Variants in KANK4 observed in about 807,000 individuals in gnomAD.
KANK4 encodes KN motif and ankyrin repeat domain-containing protein 4.
A neutral mutation model predicts 80.8 loss-of-function variants in KANK4; 50 were observed. That is an observed-to-expected ratio of 0.62 (90% confidence interval 0.49 to 0.78). KANK4 has a LOEUF of 0.78. KANK4 is among the 30% of genes least tolerant of loss of function. The pLI is 0.00. For missense variants in KANK4, 1,196 were observed against 1,240.1 expected, an observed-to-expected ratio of 0.96 and a Z score of 0.53; for synonymous variants, 465 against 506.9, an observed-to-expected ratio of 0.92 and a Z score of 1.11.
chr1:62,288,132 A>G (rs1294024773), intron 1 of KANK4, among the ~76,000 whole-genome samples: 1 of 152,184 alleles, frequency 6.6e-6, no homozygotes, highest in Non-Finnish European at 1.5e-5. Context: ...ACCAGCAGCC[A>G]GCTTCATGCT....
At chr1:62,303,054 C>G (rs1226776331) in intron 1 of KANK4, among the ~76,000 whole-genome samples, 1 of 152,106 alleles carries the variant, frequency 6.6e-6, no homozygotes, top group Non-Finnish European at 1.5e-5. Context: ...TGATCTCCAT[C>G]TTCTCAGGTA....
chr1:62,288,303 A>C (rs2765257), intron 1 of KANK4, among the ~76,000 whole-genome samples: 14 of 152,320 alleles, frequency 9.2e-5, no homozygotes, highest in Middle Eastern at 3.4e-3. Context: ...ATGGAAAAAA[A>C]GGTGAACTGT....
chr1:62,292,010 C>T (rs1450811553), intron 1 of KANK4, among the ~76,000 whole-genome samples: 3 of 152,254 alleles, frequency 2.0e-5, no homozygotes, highest in African/African-American at 4.8e-5. Flanking sequence ...AAGAAATGCC[C>T]TACTCGTTAG....
chr1:62,283,081 C>A (rs1046448103), intron 1 of KANK4, among the ~76,000 whole-genome samples: 1 of 152,202 alleles, frequency 6.6e-6, no homozygotes, highest in African/African-American at 2.4e-5. Flanking sequence ...GCAGAGAACA[C>A]CGCTGCCTCT....
intron 7 of KANK4, among the ~76,000 whole-genome samples, chr1:62,262,312 C>CA (rs1364914183): frequency 4.6e-5 from 7 of 152,190 alleles, no homozygotes; most frequent in Non-Finnish European, 7.3e-5. Context: ...ACAATACCCA[C>CA]ATCACAGGAA....
rs759247190 is a variant in KANK4, at chr1:62,253,248, G to A, written c.2540-39C>T. 3.3e-5 allele frequency: 52 copies of A among 1,567,206 alleles called. No individual in the cohort carries two copies. In the East Asian group the frequency reaches 1.1e-3, roughly 34 times the overall value. On this transcript the variant is annotated intron_variant, in intron 7 of 9. Coordinates refer to ENST00000371153, the MANE Select transcript of KANK4 (RefSeq NM_181712.5). ...AATGGGTGCTGCAAAGGCTCCTGAGGGGCCAGGAGCCAGACTCCACTTTAG... is the reference window on the plus strand; with the variant it reads ...AATGGGTGCTGCAAAGGCTCCTGAGAGGCCAGGAGCCAGACTCCACTTTAG...
At chr1:62,289,334 T>C (rs1672633899) in intron 1 of KANK4, among the ~76,000 whole-genome samples, 1 of 152,194 alleles carries the variant, frequency 6.6e-6, no homozygotes, top group Admixed American at 6.5e-5. Context: ...GAATCCATGT[T>C]TTTCTGATGC....
At chr1:62,278,393 C>CTTTG (rs1231498265) in intron 2 of KANK4, among the ~76,000 whole-genome samples, 1 of 18,586 alleles carries the variant, frequency 5.4e-5, no homozygotes, top group African/African-American at 3.3e-4. Context: ...TTCTTTCTTT[C>CTTTG]TTTCTTTTTT....
rs764374922 is a variant in KANK4 at position 62,238,393 on chromosome 1, A to C, written c.2884-12T>G. 3 of 1,611,036 alleles carry C rather than the reference A, an allele frequency of 1.9e-6. No homozygotes were observed. The highest frequency in any genetic ancestry group is 2.5e-6 in the Non-Finnish European group (3 of 1,177,504). The stretch of plus-strand genomic sequence containing the variant: ...GCTGTGCGGCCAGCCTACAGGAGAA[A>C]AAGGAAAGAAGAAATAAATATCATC... On this transcript the variant is annotated splice_polypyrimidine_tract_variant and intron_variant, in intron 9 of 9. Coordinates refer to ENST00000371153, the MANE Select transcript of KANK4 (RefSeq NM_181712.5).
intron 5 of KANK4, among the ~76,000 whole-genome samples, chr1:62,267,077 C>G (rs551404363): frequency 6.6e-6 from 1 of 152,022 alleles, no homozygotes; most frequent in African/African-American, 2.4e-5. Context: ...GGGCCAATAA[C>G]CAAAGCATTT....
rs150348631 is a variant in KANK4 at position 62,275,511 on chromosome 1, T to C, written c.17-424A>G. ...ATATGGAAGGGTTTAAAGGATAAGA[T>C]ACACAAGTGGCTCAGCAGTAAAAAA... On this transcript the variant is annotated intron_variant, in intron 2 of 9. Coordinates refer to ENST00000371153, the MANE Select transcript of KANK4 (RefSeq NM_181712.5). 2.8e-4 allele frequency among the ~76,000 whole-genome samples: 42 copies of C among 152,294 alleles called. No homozygotes were observed. The East Asian group carries it at 7.3e-3, about 27-fold the overall frequency.
At chr1:62,314,910 C>T (rs1184636213) in intron 1 of KANK4, among the ~76,000 whole-genome samples, 1 of 152,184 alleles carries the variant, frequency 6.6e-6, no homozygotes, top group Non-Finnish European at 1.5e-5. Flanking sequence ...AACGCTCGGC[C>T]AGCTTCTTCA....
chr1:62,278,370 TTCCTTC>T (rs1327161555), intron 2 of KANK4, among the ~76,000 whole-genome samples: 2 of 24,656 alleles, frequency 8.1e-5, no homozygotes, highest in Admixed American at 3.8e-4. Flanking sequence ...CCTTCCTTCC[TTCCTTC>T]CTTTCTTTCT....
intron 6 of KANK4, among the ~76,000 whole-genome samples, chr1:62,264,599 G>C (rs1360158648): frequency 6.6e-6 from 1 of 152,098 alleles, no homozygotes; most frequent in Non-Finnish European, 1.5e-5. Context: ...TCTAAGATGG[G>C]GGCAAGGGAG....
At chr1:62,250,615 C>T (rs1671591410) in intron 8 of KANK4, among the ~76,000 whole-genome samples, 1 of 152,122 alleles carries the variant, frequency 6.6e-6, no homozygotes, top group African/African-American at 2.4e-5. Flanking sequence ...GGAATGAGTC[C>T]CTTGCCCTCC....
intron 1 of KANK4, among the ~76,000 whole-genome samples, chr1:62,283,832 T>C (rs1672503465): frequency 6.6e-6 from 1 of 152,186 alleles, no homozygotes; most frequent in Admixed American, 6.5e-5. Flanking sequence ...CAGCCCATCG[T>C]ATATCAGATC....
At chr1:62,267,316 G>A (rs1259303008) in intron 5 of KANK4, among the ~76,000 whole-genome samples, 1 of 151,738 alleles carries the variant, frequency 6.6e-6, no homozygotes, top group Non-Finnish European at 1.5e-5. Flanking sequence ...GTTGAAGCTG[G>A]GTGTCCACAG....
chr1:62,296,038 T>C (rs957160923), intron 1 of KANK4, among the ~76,000 whole-genome samples: 2 of 152,242 alleles, frequency 1.3e-5, no homozygotes, highest in Admixed American at 1.3e-4. Context: ...ATAAAGATGC[T>C]GCCTCATGGC....
In KANK4 at chr1:62,273,655, G is replaced by A. The variant is rs111315510; in HGVS notation, c.1449C>T (p.Pro483=). 2.4e-5 allele frequency: 38 copies of A among 1,614,050 alleles called. No homozygotes were observed. Among genetic ancestry groups the A allele is most frequent in the African/African-American group, 1.9e-4 (14 of 75,008 alleles). The change falls in exon 3 of 10, where the codon CCC becomes CCT. Residue 483 remains proline, a synonymous_variant. Coordinates refer to ENST00000371153, the MANE Select transcript of KANK4 (RefSeq NM_181712.5). ...GTACAGAGGAGGTAAGGACCTGCTC[G>A]GGTCCCTGTGGCAGTGACAGCTGGG... is the stretch of plus-strand genomic sequence containing the variant. ...LLPQLSLPQG[P]EQVLTSSVHS... is the part of the protein sequence containing the mutation.
Sources: allele counts gnomAD v4.1 joint callset (sites outside exome capture counted in the v4.1 genomes callset), GRCh38; gene constraint gnomAD v4.1.1; transcripts MANE v1.5; gene names NCBI Gene and HGNC (gene_info 2026-07-23, HGNC 2026-07-21).